The following DNAJC27 variants were observed in gnomAD, a reference collection of about 807,000 sequenced individuals.
DNAJC27 encodes the protein dnaJ homolog subfamily C member 27.
A neutral mutation model predicts 31.4 loss-of-function variants in DNAJC27; 25 were observed. That is an observed-to-expected ratio of 0.80 (90% CI 0.58 to 1.11). The LOEUF (loss-of-function observed/expected upper bound fraction) is 1.11. Ranked by LOEUF, DNAJC27 falls within the 50% of genes most tolerant of loss-of-function variation. DNAJC27 has a pLI of 0.00. For synonymous variants in DNAJC27, 106 were observed against 112.7 expected, an observed-to-expected ratio of 0.94 and a Z score of 0.37; for missense variants, 356 against 347.3, an observed-to-expected ratio of 1.02 and a Z score of -0.20.
rs1666355578 is a variant in DNAJC27, at chr2:24,971,932, C to T, written c.-28G>A. 2 of 1,543,842 alleles carry T rather than the reference C, an allele frequency of 1.3e-6. No individual in the cohort carries two copies. The highest frequency in any genetic ancestry group is 1.9e-5 in the Admixed American group (1 of 53,090). On this transcript the variant is annotated 5_prime_UTR_variant, in exon 1 of 7. Transcript: ENST00000264711. Reference sequence around the variant, plus strand: ...CCCTGGCTCTCTCGGGGCCACCCGCCTCGGTCTCTTCTTGTGCACCGCTGG... The same window carrying T: ...CCCTGGCTCTCTCGGGGCCACCCGCTTCGGTCTCTTCTTGTGCACCGCTGG...
chr2:24,963,675 C>T (rs932392855), intron 2 of DNAJC27, among the ~76,000 whole-genome samples: 10 of 152,230 alleles, frequency 6.6e-5, no homozygotes, highest in African/African-American at 1.9e-4. Context: ...GAACACTGAA[C>T]CCACATGGAG....
rs1665925787 is a variant in DNAJC27 at position 24,957,148 on chromosome 2, AT to A, written c.422del (p.His141LeufsTer4). 2 of 1,605,002 alleles carry A rather than the reference AT, an allele frequency of 1.2e-6. No homozygotes were observed. The highest frequency in any genetic ancestry group is 1.7e-6 in the Non-Finnish European group (2 of 1,177,280). On this transcript the variant is annotated frameshift_variant, in exon 5 of 7. Coordinates refer to ENST00000264711, the MANE Select transcript of DNAJC27 (RefSeq NM_016544.3). LOFTEE classifies it high-confidence loss of function. ...GTCCTTCACTTTCATCTACACAGCG[AT>A]GTTTGGTACAATCAATCTGAAATAG... ...VCANKIDCTK[H>X]RCVDESEGRL...
At chr2:24,958,540 T>G in intron 3 of DNAJC27, 1 of 408,642 alleles carries the variant, frequency 2.4e-6, no homozygotes, top group South Asian at 1.9e-5. Context: ...GGTTCACACT[T>G]ACTTACTAGT....
chr2:24,962,323 C>T (rs1389004382), intron 3 of DNAJC27, among the ~76,000 whole-genome samples: 1 of 151,588 alleles, frequency 6.6e-6, no homozygotes, highest in East Asian at 1.9e-4. Flanking sequence ...TGAAGTGGCA[C>T]GATTTTGGAT....
At chr2:24,957,676 G>T in intron 4 of DNAJC27, 134 bp downstream of exon 4, 1 of 857,800 alleles carries the variant, frequency 1.2e-6, no homozygotes, top group Non-Finnish European at 1.8e-6. Flanking sequence ...TTTTGTCTTA[G>T]GGACATTATG....
intron 2 of DNAJC27, among the ~76,000 whole-genome samples, chr2:24,964,314 C>A (rs566264780): frequency 8.6e-5 from 13 of 150,678 alleles, no homozygotes; most frequent in Non-Finnish European, 2.9e-5. Context: ...CCCAGCTACT[C>A]AGGAGGCTGA....
At position 24,944,412 on chromosome 2, in the gene DNAJC27, TACTC is replaced by T. The variant is rs1274434831; in HGVS notation, c.*3200_*3203del. ...TCAGAGCTTGCAGTGGCTGCTTACT[TACTC>T]TGGCTATCTTTCAGAAATTTAGCTG... On this transcript the variant is annotated 3_prime_UTR_variant, in exon 7 of 7. Coordinates refer to ENST00000264711, the MANE Select transcript of DNAJC27 (RefSeq NM_016544.3). 6.6e-6 allele frequency: 1 copy of T among 152,492 alleles called. No individual in the cohort carries two copies. The highest frequency in any genetic ancestry group is 1.5e-5 in the Non-Finnish European group (1 of 68,024). 9.4% of individuals were successfully genotyped at this position (152,492 alleles called of 1,614,324 possible). A position where few individuals can be genotyped will look rare whatever the true frequency, so the allele number is the denominator to read the frequency against.
chr2:24,955,261 T>A (rs1244349763), intron 5 of DNAJC27, among the ~76,000 whole-genome samples: 1 of 152,210 alleles, frequency 6.6e-6, no homozygotes, highest in Non-Finnish European at 1.5e-5. Flanking sequence ...AGAACTATAC[T>A]GGGAACCAAA....
chr2:24,969,915 A>C (rs1439362674), intron 1 of DNAJC27, among the ~76,000 whole-genome samples: 2 of 152,102 alleles, frequency 1.3e-5, no homozygotes, highest in Non-Finnish European at 2.9e-5. Flanking sequence ...GGAAAAAAAA[A>C]CCCTTATTGA....
chr2:24,967,095 C>T, intron 2 of DNAJC27, 116 bp downstream of exon 2: 1 of 750,918 alleles, frequency 1.3e-6, no homozygotes, highest in Non-Finnish European at 2.3e-6. Flanking sequence ...CCCAACTTAT[C>T]TTCAAAGTCT....
intron 3 of DNAJC27, among the ~76,000 whole-genome samples, chr2:24,959,080 C>G (rs1190760478): frequency 6.6e-6 from 1 of 152,162 alleles, no homozygotes; most frequent in Non-Finnish European, 1.5e-5. Flanking sequence ...CCAACAAAAT[C>G]AGAAAGAACT....
chr2:24,957,815 T>G lies in DNAJC27; in HGVS notation c.400A>C (p.Asn134His), dbSNP rs752948585. 6.2e-7 allele frequency: 1 copy of G among 1,614,076 alleles called. No homozygotes were observed. The highest frequency in any genetic ancestry group is 1.7e-5 in the Admixed American group (1 of 60,016). Residue 134 changes from asparagine (N) to histidine (H), a missense_variant, in exon 4 of 7, where the codon AAC becomes CAC. By Grantham distance (68) the Asn-to-His change is moderately conservative. Coordinates refer to ENST00000264711, the MANE Select transcript of DNAJC27 (RefSeq NM_016544.3). Reference sequence around the variant, plus strand: ...ACCATTTCCAGAGGGGTTACCTTGTTGGCACAAACTACAAATATAATATTT... The same window carrying G: ...ACCATTTCCAGAGGGGTTACCTTGTGGGCACAAACTACAAATATAATATTT... ...MENIIFVVCA[N>H]KIDCTKHRCV...
upstream of DNAJC27, chr2:24,972,022 T>G (rs949784430): frequency 1.8e-5 from 13 of 728,432 alleles, no homozygotes; most frequent in East Asian, 6.8e-5. Context: ...TCGCCTCCGC[T>G]GCTCGCCATC....
intron 5 of DNAJC27, among the ~76,000 whole-genome samples, chr2:24,956,701 CGCCTGGAGAGAGA>C: frequency 6.6e-6 from 1 of 152,282 alleles, no homozygotes; most frequent in Admixed American, 6.5e-5. Flanking sequence ...TCTTCAGAAT[CGCCTGGAGAGAGA>C]GCTTTTTCAA....
At chr2:24,957,593 T>C (rs764844681) in intron 4 of DNAJC27, among the ~76,000 whole-genome samples, 3 of 150,166 alleles carry the variant, frequency 2.0e-5, no homozygotes, top group South Asian at 2.1e-4. Flanking sequence ...TCCTTCCCCA[T>C]GTATGGCACC....
intron 1 of DNAJC27, among the ~76,000 whole-genome samples, chr2:24,970,928 T>C (rs149894165): frequency 2.2e-3 from 342 of 152,342 alleles, no homozygotes; most frequent in Non-Finnish European, 3.1e-3. Context: ...GGCACTGGAC[T>C]AGGCACTGCC....
rs1302124368 is a variant in DNAJC27 at position 24,971,846 on chromosome 2, A to G, written c.59T>C (p.Ile20Thr). The G allele has an allele frequency of 1.2e-5, 20 of 1,608,752 alleles. No individual in the cohort carries two copies. The highest frequency in any genetic ancestry group is 1.5e-5 in the Non-Finnish European group (18 of 1,178,054). ...EPGRSLRIKV[I>T]SMGNAEVGKS... Reference sequence around the variant, plus strand: ...CCCCACTTCGGCGTTGCCCATGGAGATGACTTTGATGCGGAGAGACCTGCC... The same window carrying G: ...CCCCACTTCGGCGTTGCCCATGGAGGTGACTTTGATGCGGAGAGACCTGCC... The change falls in exon 1 of 7, where the codon ATC becomes ACC. Residue 20 changes from isoleucine to threonine, a missense_variant. By Grantham distance (89) the Ile-to-Thr change is moderately conservative. Transcript: ENST00000264711.
intron 2 of DNAJC27, 94 bp from the exon 3 acceptor site, chr2:24,963,568 C>A: frequency 2.0e-6 from 2 of 1,010,420 alleles, no homozygotes; most frequent in Admixed American, 2.3e-5. Flanking sequence ...TATGTGTATG[C>A]AATTTAAGAA....
At position 24,967,344 on chromosome 2, in the gene DNAJC27, T is replaced by A. The variant is rs780808886; in HGVS notation, c.88-51A>T. The stretch of plus-strand genomic sequence containing the variant: ...TTAGTAAATACATAGTGAGAACACA[T>A]ACAGAATAAGTATATTTCTTCATTA... On this transcript the variant is annotated intron_variant, in intron 1 of 6. Transcript: ENST00000264711. 3 of 1,217,532 alleles carry A rather than the reference T, an allele frequency of 2.5e-6. No individual in the cohort carries two copies. The African/African-American group carries it at 4.6e-5, about 19-fold the overall frequency. The allele number at this position is 1,217,532 out of a possible 1,614,324, so 75.4% of individuals were successfully genotyped here.
Sources: gnomAD v4.1 joint callset for allele counts (sites outside exome capture counted in the v4.1 genomes callset) on GRCh38, gnomAD v4.1.1 for gene constraint, MANE v1.5 for transcripts, NCBI Gene and HGNC (gene_info 2026-07-23, HGNC 2026-07-21) for gene names.